UAP1: variants seen among roughly 807,000 people sequenced by gnomAD.
UAP1 encodes the protein UDP-N-acetylhexosamine pyrophosphorylase.
In UAP1, 25 loss-of-function variants were observed where a neutral mutation model predicts 58.5. The observed-to-expected ratio is 0.43, with a 90% CI of 0.31 to 0.60. The LOEUF is 0.60. Among genes scored for constraint, UAP1 ranks in the 20% least tolerant of loss-of-function variants. UAP1 has a pLI of 0.11. For missense variants in UAP1, 575 were observed against 630.0 expected (o/e 0.91, Z 0.93); for synonymous variants, 208 against 213.0 (o/e 0.98, Z 0.21).
intron 2 of UAP1, among the ~76,000 whole-genome samples, chr1:162,569,733 C>T (rs979290803): frequency 1.3e-5 from 2 of 152,192 alleles, no homozygotes; most frequent in Non-Finnish European, 2.9e-5. Flanking sequence ...AATGGTGCTT[C>T]TCTACCATAT....
At chr1:162,588,421 A>G (rs1655050860) in intron 6 of UAP1, among the ~76,000 whole-genome samples, 2 of 152,164 alleles carry the variant, frequency 1.3e-5, no homozygotes, top group Non-Finnish European at 2.9e-5. Context: ...TAATGTACAT[A>G]TATACAGTTT....
intron 7 of UAP1, among the ~76,000 whole-genome samples, 188 bp from the exon 8 acceptor site, chr1:162,590,135 A>T (rs954287203): frequency 4.6e-5 from 7 of 151,222 alleles, no homozygotes; most frequent in Non-Finnish European, 8.8e-5. Context: ...GGGGGAAATG[A>T]TTTCTCATTT....
Position 162,583,759 on chromosome 1 carries a change from C to T in UAP1, c.834+2300C>T, listed in dbSNP as rs558436183. ...TCTCCTGCCTCAGCCTCTGGAGTAGCTGGTACCACAGGCGTGCACCACCAC... is the reference window on the plus strand; with the variant it reads ...TCTCCTGCCTCAGCCTCTGGAGTAGTTGGTACCACAGGCGTGCACCACCAC... On this transcript the variant is annotated intron_variant, in intron 5 of 10. Transcript: ENST00000271469. Among the ~76,000 whole-genome samples the T allele has an allele frequency of 4.6e-5, 7 of 152,260 alleles. No individual in the cohort carries two copies. In the East Asian group the frequency reaches 1.4e-3, roughly 29 times the overall value.
intron 9 of UAP1, among the ~76,000 whole-genome samples, chr1:162,594,902 G>A (rs1321891244): frequency 6.6e-6 from 1 of 152,116 alleles, no homozygotes; most frequent in African/African-American, 2.4e-5. Context: ...GTAATCCTTA[G>A]CACCAAAGGA....
At chr1:162,597,712 G>T in intron 9 of UAP1, 80 bp from the exon 10 acceptor site, 1 of 1,149,688 alleles carries the variant, frequency 8.7e-7, no homozygotes. Flanking sequence ...CTTCTCAGAG[G>T]AAAGTTATGG....
chr1:162,563,366 T>A (rs1310386293), intron 1 of UAP1, among the ~76,000 whole-genome samples: 5 of 152,102 alleles, frequency 3.3e-5, no homozygotes, highest in African/African-American at 9.7e-5. Context: ...CCTTTTTTTT[T>A]TTATTTTTAT....
intron 4 of UAP1, among the ~76,000 whole-genome samples, chr1:162,580,884 G>A (rs890962606): frequency 1.3e-5 from 2 of 152,106 alleles, no homozygotes; most frequent in Admixed American, 1.3e-4. Flanking sequence ...TTTGAGATGG[G>A]TGAAATTGTC....
chr1:162,570,748 T>C (rs1571058074), intron 2 of UAP1, among the ~76,000 whole-genome samples: 1 of 152,338 alleles, frequency 6.6e-6, no homozygotes. Context: ...ACTTAAATTA[T>C]TCTCTCTAAC....
chr1:162,576,340 C>T (rs1286125810), intron 2 of UAP1, among the ~76,000 whole-genome samples: 2 of 151,904 alleles, frequency 1.3e-5, no homozygotes, highest in Non-Finnish European at 2.9e-5. Flanking sequence ...CAAATTTTTG[C>T]GAAACATTTA....
chr1:162,575,250 G>A (rs908641747), intron 2 of UAP1, among the ~76,000 whole-genome samples: 1 of 151,736 alleles, frequency 6.6e-6, no homozygotes, highest in African/African-American at 2.4e-5. Flanking sequence ...TGTATTTTTA[G>A]TAGAGATGGG....
chr1:162,589,161 TATA>T (rs1435217829), intron 7 of UAP1, among the ~76,000 whole-genome samples: 266 of 106,556 alleles, frequency 2.5e-3, no homozygotes, highest in African/African-American at 9.7e-3. Flanking sequence ...ATATATTATA[TATA>T]ATATATAAAT....
At chr1:162,582,389 G>A (rs1654644760) in intron 5 of UAP1, among the ~76,000 whole-genome samples, 1 of 152,192 alleles carries the variant, frequency 6.6e-6, no homozygotes, top group Admixed American at 6.5e-5. Flanking sequence ...TAAATTAAAA[G>A]AGTGTGGTAC....
At chr1:162,575,640 C>T (rs1654132421) in intron 2 of UAP1, among the ~76,000 whole-genome samples, 1 of 151,232 alleles carries the variant, frequency 6.6e-6, no homozygotes, top group South Asian at 2.1e-4. Context: ...CCATGTTGGC[C>T]AGCCTGGTGT....
At chr1:162,592,667 C>CAA in intron 8 of UAP1, 65 bp from the exon 9 acceptor site, 1 of 1,285,912 alleles carries the variant, frequency 7.8e-7, no homozygotes, top group East Asian at 2.5e-5. Context: ...TATTTTGCAA[C>CAA]TCCATTTCAT....
intron 2 of UAP1, among the ~76,000 whole-genome samples, chr1:162,568,181 T>C (rs374329905): frequency 5.4e-4 from 83 of 152,334 alleles, no homozygotes; most frequent in African/African-American, 1.9e-3. Flanking sequence ...CATGGCTATT[T>C]TTATTTTGTT....
chr1:162,580,135 G>A (rs1198395787), intron 4 of UAP1, among the ~76,000 whole-genome samples: 6 of 152,128 alleles, frequency 3.9e-5, no homozygotes, highest in African/African-American at 1.4e-4. Flanking sequence ...CCAAAGTGCT[G>A]GAATTACAGC....
intron 9 of UAP1, among the ~76,000 whole-genome samples, chr1:162,595,421 C>G (rs1410220580): frequency 6.6e-6 from 1 of 151,706 alleles, no homozygotes; most frequent in Non-Finnish European, 1.5e-5. Context: ...TTTTTTTCCT[C>G]GGCATGCCTA....
intron 2 of UAP1, among the ~76,000 whole-genome samples, chr1:162,566,675 G>A (rs1247315431): frequency 6.6e-6 from 1 of 151,760 alleles, no homozygotes; most frequent in Non-Finnish European, 1.5e-5. Flanking sequence ...TGCCCAGGCT[G>A]GAGTGCAGTG....
chr1:162,598,102 C>G (rs1655716641), intron 10 of UAP1, among the ~76,000 whole-genome samples: 1 of 151,986 alleles, frequency 6.6e-6, no homozygotes. Context: ...CACAGTGGCT[C>G]ACTCCTGTAA....
Sources: gnomAD v4.1 joint callset for allele counts (sites outside exome capture counted in the v4.1 genomes callset) on GRCh38, gnomAD v4.1.1 for gene constraint, MANE v1.5 for transcripts, NCBI Gene and HGNC (gene_info 2026-07-23, HGNC 2026-07-21) for gene names.